DPP10: variants seen among roughly 807,000 people sequenced by gnomAD.
DPP10 encodes the protein dipeptidyl peptidase like 10, also known as inactive dipeptidyl peptidase 10.
In DPP10, 33 loss-of-function variants were observed where a neutral mutation model predicts 120.9. The ratio of observed to expected loss-of-function variants is 0.27; its 90% CI spans 0.21 to 0.37. The LOEUF (loss-of-function observed/expected upper bound fraction) is 0.37. DPP10 is among the 10% of genes least tolerant of loss of function. The pLI, the probability that DPP10 is intolerant of heterozygous loss-of-function variation, is 1.00. For synonymous variants in DPP10, 337 were observed against 326.1 expected (o/e 1.03, Z -0.36); for missense variants, 816 against 942.8 (o/e 0.87, Z 1.76).
intron 1 of DPP10, among the ~76,000 whole-genome samples, chr2:115,010,656 A>G (rs989037): frequency 0.53 from 80,372 of 152,008 alleles, 22,141 homozygotes; most frequent in East Asian, 0.64. Flanking sequence ...AATGAGCCAC[A>G]TATCATATCT....
chr2:115,836,182 T>A lies in DPP10; in HGVS notation c.1976T>A (p.Met659Lys), dbSNP rs145011952. The change falls in exon 22 of 26, where the codon ATG becomes AAG. Residue 659 changes from methionine (M) to lysine (K), a missense_variant. By Grantham distance (95) the Met-to-Lys change is moderately conservative (BLOSUM62 -1). Transcript: ENST00000410059. The stretch of plus-strand genomic sequence containing the variant: ...GGTTATGGTGGCTATATTGCATCAA[T>A]GATCTTAAAATCAGATGAAAAGCTT... ...GKGYGGYIAS[M>K]ILKSDEKLFK... 3.1e-6 allele frequency: 5 copies of A among 1,603,298 alleles called. No individual in the cohort carries two copies. Among genetic ancestry groups the A allele is most frequent in the Non-Finnish European group, 4.3e-6 (5 of 1,175,904 alleles).
At chr2:115,494,397 G>C (rs2076285908) in intron 3 of DPP10, among the ~76,000 whole-genome samples, 1 of 152,142 alleles carries the variant, frequency 6.6e-6, no homozygotes, top group African/African-American at 2.4e-5. Flanking sequence ...CATGCAATGA[G>C]ATCTTGAAGT....
At chr2:115,566,806 T>A (rs1001307683) in intron 5 of DPP10, among the ~76,000 whole-genome samples, 5 of 152,208 alleles carry the variant, frequency 3.3e-5, no homozygotes, top group African/African-American at 1.2e-4. Flanking sequence ...AAAGACACTT[T>A]CCAGTATCTG....
chr2:115,370,063 G>C (rs754119560), intron 3 of DPP10, among the ~76,000 whole-genome samples: 4 of 152,116 alleles, frequency 2.6e-5, no homozygotes, highest in Non-Finnish European at 5.9e-5. Context: ...GCTTCAACCA[G>C]AACAGTCTCA....
At chr2:115,213,187 C>T (rs986139465) in intron 1 of DPP10, among the ~76,000 whole-genome samples, 1 of 152,068 alleles carries the variant, frequency 6.6e-6, no homozygotes, top group African/African-American at 2.4e-5. Context: ...TATATCTCCC[C>T]TTGCCCTAGG....
At chr2:114,599,667 G>T (rs764422579) in intron 1 of DPP10, among the ~76,000 whole-genome samples, 1 of 151,164 alleles carries the variant, frequency 6.6e-6, no homozygotes, top group Non-Finnish European at 1.5e-5. Context: ...CTAGTTTTGC[G>T]CTATTTTGAA....
chr2:115,502,788 G>C (rs886403254), intron 4 of DPP10, among the ~76,000 whole-genome samples: 3 of 152,072 alleles, frequency 2.0e-5, no homozygotes, highest in African/African-American at 7.2e-5. Flanking sequence ...TAAACTCCTG[G>C]GCTCAAGTGA....
At chr2:115,275,981 G>C (rs578085057) in intron 1 of DPP10, among the ~76,000 whole-genome samples, 4 of 151,900 alleles carry the variant, frequency 2.6e-5, no homozygotes, top group Non-Finnish European at 5.9e-5. Flanking sequence ...GATTACGGGC[G>C]TGAGCCACCG....
intron 4 of DPP10, among the ~76,000 whole-genome samples, chr2:115,504,563 A>G (rs1020905030): frequency 6.6e-6 from 1 of 152,036 alleles, no homozygotes; most frequent in Non-Finnish European, 1.5e-5. Context: ...ATGATTATTT[A>G]TGTTTGTTTA....
At chr2:115,376,830 C>G (rs1488731693) in intron 3 of DPP10, among the ~76,000 whole-genome samples, 1 of 150,108 alleles carries the variant, frequency 6.7e-6, no homozygotes, top group Non-Finnish European at 1.5e-5. Flanking sequence ...CGATAGTTTA[C>G]TGAGAATGAT....
chr2:115,052,285 A>G (rs564969141), intron 1 of DPP10, among the ~76,000 whole-genome samples: 1 of 152,318 alleles, frequency 6.6e-6, no homozygotes, highest in Non-Finnish European at 1.5e-5. Flanking sequence ...TTTCTTAAGT[A>G]TGACTCCAAA....
intron 1 of DPP10, among the ~76,000 whole-genome samples, chr2:114,707,704 T>A (rs574660049): frequency 1.1e-4 from 16 of 152,240 alleles, no homozygotes; most frequent in Admixed American, 7.2e-4. Flanking sequence ...AGAAATTAGG[T>A]GCCCAGCTTA....
intron 5 of DPP10, among the ~76,000 whole-genome samples, chr2:115,540,958 A>G (rs146815432): frequency 0.011 from 1,670 of 151,986 alleles, 37 homozygotes; most frequent in African/African-American, 0.039. Flanking sequence ...TTAATGGCAT[A>G]GATGTTCATT....
At chr2:115,745,987 C>T in intron 9 of DPP10, 99 bp from the exon 10 acceptor site, 1 of 859,852 alleles carries the variant, frequency 1.2e-6, no homozygotes. Flanking sequence ...TTTTTCTTTT[C>T]TAACACAAAA....
intron 1 of DPP10, among the ~76,000 whole-genome samples, chr2:115,308,545 T>C (rs1028932635): frequency 3.9e-5 from 6 of 152,142 alleles, no homozygotes; most frequent in African/African-American, 1.4e-4. Flanking sequence ...GAGGAATGAA[T>C]AGCTTTACCA....
chr2:115,282,689 A>G (rs1220048933), intron 1 of DPP10, among the ~76,000 whole-genome samples: 3 of 152,116 alleles, frequency 2.0e-5, no homozygotes, highest in Admixed American at 6.6e-5. Flanking sequence ...AATGTGCCAG[A>G]GCCTAGTTAA....
chr2:115,744,393 A>G (rs763691616), intron 9 of DPP10, among the ~76,000 whole-genome samples: 5 of 150,424 alleles, frequency 3.3e-5, no homozygotes, highest in Non-Finnish European at 7.4e-5. Flanking sequence ...ATGATGTGAA[A>G]GAGAGCTCAT....
intron 1 of DPP10, among the ~76,000 whole-genome samples, chr2:115,198,276 G>A (rs573821907): frequency 2.6e-5 from 4 of 152,170 alleles, no homozygotes; most frequent in South Asian, 2.1e-4. Flanking sequence ...ATAATAGGTC[G>A]TAACACCCTG....
intron 1 of DPP10, among the ~76,000 whole-genome samples, chr2:114,839,626 G>T (rs11898423): frequency 1.3e-5 from 2 of 152,014 alleles, no homozygotes; most frequent in Non-Finnish European, 2.9e-5. Context: ...CATATTCTTT[G>T]TTCTAAAACT....
Sources: gnomAD v4.1 joint callset for allele counts (sites outside exome capture counted in the v4.1 genomes callset) on GRCh38, gnomAD v4.1.1 for gene constraint, MANE v1.5 for transcripts, NCBI Gene and HGNC (gene_info 2026-07-23, HGNC 2026-07-21) for gene names.